PAFAH1B1: variants seen among roughly 807,000 people sequenced by gnomAD.
The protein encoded by PAFAH1B1 is platelet activating factor acetylhydrolase 1b regulatory subunit 1, also known as platelet-activating factor acetylhydrolase IB subunit beta.
Under a neutral mutation model 57.5 loss-of-function variants are expected in PAFAH1B1, and 2 were observed. The observed-to-expected ratio is 0.03, with a 90% CI of 0.01 to 0.11. The LOEUF (loss-of-function observed/expected upper bound fraction) is 0.11. Among genes scored for constraint, PAFAH1B1 ranks in the 10% least tolerant of loss-of-function variants. PAFAH1B1 has a pLI of 1.00. For synonymous variants in PAFAH1B1, 152 were observed against 169.6 expected (o/e 0.90, Z 0.81); for missense variants, 257 against 512.0 (o/e 0.50, Z 4.81).
At chr17:2,648,416 C>T (rs1202567368) in intron 2 of PAFAH1B1, among the ~76,000 whole-genome samples, 1 of 152,158 alleles carries the variant, frequency 6.6e-6, no homozygotes, top group Admixed American at 6.5e-5. Flanking sequence ...GTGGCTCACA[C>T]CTGTAATCCC....
At chr17:2,646,422 C>T (rs967044623) in intron 2 of PAFAH1B1, among the ~76,000 whole-genome samples, 1 of 98,268 alleles carries the variant, frequency 1.0e-5, no homozygotes, top group Non-Finnish European at 2.5e-5. Flanking sequence ...ATCTGCTGGG[C>T]GCAGTGGATC....
At chr17:2,595,759 G>A (rs938743459) in intron 1 of PAFAH1B1, among the ~76,000 whole-genome samples, 9 of 152,168 alleles carry the variant, frequency 5.9e-5, no homozygotes, top group East Asian at 5.8e-4. Flanking sequence ...GAAATTGAAG[G>A]CTGGTATATA....
chr17:2,651,433 A>T (rs1204661809), intron 2 of PAFAH1B1, among the ~76,000 whole-genome samples: 1 of 151,136 alleles, frequency 6.6e-6, no homozygotes, highest in East Asian at 1.9e-4. Context: ...AAAAAAAAAA[A>T]ATTAGCTGGG....
chr17:2,595,184 GA>G (rs1269941814), intron 1 of PAFAH1B1, among the ~76,000 whole-genome samples: 2 of 152,118 alleles, frequency 1.3e-5, no homozygotes, highest in Non-Finnish European at 2.9e-5. Context: ...TGGCAGTCCG[GA>G]CAAATAGAGA....
In PAFAH1B1 at chr17:2,610,722, A is replaced by C. The variant is rs550088474; in HGVS notation, c.-191+16716A>C. Among the ~76,000 whole-genome samples, 237 of 152,360 alleles carry C rather than the reference A, an allele frequency of 1.6e-3. 1 individual carries two copies. The highest frequency in any genetic ancestry group is 5.5e-3 in the African/African-American group (227 of 41,586). ...GCTGTCCTGGGCCGTGGGTAGCACA[A>C]GCTTGGGCTAGAGTTTCTCATGGGG... On this transcript the variant is annotated intron_variant, in intron 1 of 10. Transcript: ENST00000397195.
chr17:2,676,740 C>T, intron 9 of PAFAH1B1, 134 bp downstream of exon 9: 3 of 697,672 alleles, frequency 4.3e-6, no homozygotes, highest in Non-Finnish European at 7.8e-6. Context: ...GATAGTTTTC[C>T]TTTAGCTTTT....
intron 1 of PAFAH1B1, 21 bp downstream of exon 1, chr17:2,594,027 G>A: frequency 2.5e-6 from 1 of 397,824 alleles, no homozygotes; most frequent in Non-Finnish European, 4.4e-6. Flanking sequence ...GCGGGTCTGC[G>A]CCCTCCCCTC....
intron 2 of PAFAH1B1, among the ~76,000 whole-genome samples, chr17:2,654,840 C>G (rs1363120981): frequency 6.6e-6 from 1 of 151,406 alleles, no homozygotes; most frequent in Non-Finnish European, 1.5e-5. Flanking sequence ...CAGATTTTTG[C>G]CATGTTGCCC....
At chr17:2,676,734 G>A (rs1448533007) in intron 9 of PAFAH1B1, 128 bp downstream of exon 9, 1 of 707,156 alleles carries the variant, frequency 1.4e-6, no homozygotes, top group Non-Finnish European at 2.6e-6. Flanking sequence ...TATAAAGATA[G>A]TTTTCCTTTA....
In PAFAH1B1 at chr17:2,617,063, A is replaced by C. The variant is rs144342156; in HGVS notation, c.-190-21036A>C. On this transcript the variant is annotated intron_variant, in intron 1 of 10. Transcript: ENST00000397195. ...ACTCCAGCCTGGGCGACAGAACGAGACTCCGTCTCAAAAAAAAATGATTGC... is the reference window on the plus strand; with the variant it reads ...ACTCCAGCCTGGGCGACAGAACGAGCCTCCGTCTCAAAAAAAAATGATTGC... Among the ~76,000 whole-genome samples, 325 of 152,202 alleles carry C rather than the reference A, an allele frequency of 2.1e-3. 1 individual carries two copies. Among genetic ancestry groups the C allele is most frequent in the African/African-American group, 7.4e-3 (309 of 41,542 alleles).
intron 8 of PAFAH1B1, among the ~76,000 whole-genome samples, chr17:2,675,800 C>T (rs1011167377): frequency 1.3e-5 from 2 of 152,030 alleles, no homozygotes; most frequent in Non-Finnish European, 2.9e-5. Flanking sequence ...ATGATTGTTC[C>T]ACTGCACTCC....
At chr17:2,652,228 G>T (rs567535330) in intron 2 of PAFAH1B1, among the ~76,000 whole-genome samples, 2 of 151,932 alleles carry the variant, frequency 1.3e-5, no homozygotes, top group South Asian at 4.2e-4. Context: ...GGCTAACACG[G>T]TGAAACCCCG....
At chr17:2,680,388 A>G (rs1597581186) in intron 10 of PAFAH1B1, 68 bp downstream of exon 10, 1 of 1,402,048 alleles carries the variant, frequency 7.1e-7, no homozygotes, top group East Asian at 2.3e-5. Context: ...GTTTTACATA[A>G]TCGTGTGGAC....
At chr17:2,676,336 C>A in intron 8 of PAFAH1B1, 169 bp from the exon 9 acceptor site, 1 of 585,536 alleles carries the variant, frequency 1.7e-6, no homozygotes. Flanking sequence ...CAAGATTGCA[C>A]CACGGTACTC....
Position 2,593,727 on chromosome 17 carries a change from C to T in PAFAH1B1, c.-470C>T. 1 of 361,540 alleles carries T rather than the reference C, an allele frequency of 2.8e-6. No homozygotes were observed. The highest frequency in any genetic ancestry group is 4.9e-6 in the Non-Finnish European group (1 of 204,032). The allele number at this position is 361,540 out of a possible 1,614,324, so 22.4% of individuals were successfully genotyped here. A position where few individuals can be genotyped will look rare whatever the true frequency, so the allele number is the denominator to read the frequency against. ...AGCGAGTGAGCGAGCGGAGGAGCAGCGACACGGGAGTCTAGGGAGCGAGAA... is the reference window on the plus strand; with the variant it reads ...AGCGAGTGAGCGAGCGGAGGAGCAGTGACACGGGAGTCTAGGGAGCGAGAA... On this transcript the variant is annotated 5_prime_UTR_variant, in exon 1 of 11. Coordinates refer to ENST00000397195, the MANE Select transcript of PAFAH1B1 (RefSeq NM_000430.4).
chr17:2,611,791 G>A (rs948160198), intron 1 of PAFAH1B1, among the ~76,000 whole-genome samples: 4 of 152,074 alleles, frequency 2.6e-5, no homozygotes, highest in Non-Finnish European at 5.9e-5. Context: ...GAGTTTGGTC[G>A]GGACACAATG....
chr17:2,611,124 G>A (rs772814880), intron 1 of PAFAH1B1, among the ~76,000 whole-genome samples: 1 of 152,122 alleles, frequency 6.6e-6, no homozygotes, highest in African/African-American at 2.4e-5. Flanking sequence ...TAATTTGAAG[G>A]TGGGTAGAGA....
intron 5 of PAFAH1B1, among the ~76,000 whole-genome samples, chr17:2,669,837 C>T (rs1229091127): frequency 1.3e-5 from 2 of 151,346 alleles, no homozygotes; most frequent in Non-Finnish European, 2.9e-5. Context: ...CTTAAGTTTC[C>T]TTATTTACAT....
At position 2,615,719 on chromosome 17, in the gene PAFAH1B1, G is replaced by A. The variant is rs1189695474; in HGVS notation, c.-191+21713G>A. On this transcript the variant is annotated intron_variant, in intron 1 of 10. Coordinates refer to ENST00000397195, the MANE Select transcript of PAFAH1B1 (RefSeq NM_000430.4). ...CTCCCAAAATGCTGGGATTACAGGC[G>A]TGAGCCACCGCGCCCAGCCTGAAAC... Among the ~76,000 whole-genome samples the A allele has an allele frequency of 2.6e-5, 4 of 151,964 alleles. No individual in the cohort carries two copies. In the East Asian group the frequency reaches 7.7e-4, roughly 29 times the overall value.
Sources: allele counts gnomAD v4.1 joint callset (sites outside exome capture counted in the v4.1 genomes callset), GRCh38; gene constraint gnomAD v4.1.1; transcripts MANE v1.5; gene names NCBI Gene and HGNC (gene_info 2026-07-23, HGNC 2026-07-21).